Variants in SERGEF observed in about 807,000 individuals in gnomAD.
SERGEF encodes the protein secretion-regulating guanine nucleotide exchange factor.
A neutral mutation model predicts 50.0 loss-of-function variants in SERGEF; 51 were observed. The ratio of observed to expected loss-of-function variants is 1.02; its 90% CI spans 0.81 to 1.29. The LOEUF (loss-of-function observed/expected upper bound fraction) is 1.29, where lower values mean the gene tolerates loss of function less well. SERGEF is among the 50% of genes most tolerant of loss of function. SERGEF has a pLI of 0.00. For missense variants in SERGEF, 521 were observed against 557.0 expected, an observed-to-expected ratio of 0.94 and a Z score of 0.65; for synonymous variants, 205 against 212.4, an observed-to-expected ratio of 0.97 and a Z score of 0.30.
intron 9 of SERGEF, among the ~76,000 whole-genome samples, chr11:17,910,193 A>ACACACTCTCT (rs869123110): frequency 3.3e-3 from 475 of 145,730 alleles, no homozygotes; most frequent in Non-Finnish European, 4.5e-3. Context: ...ACACACACAC[A>ACACACTCTCT]CTCTCTCTCT....
At chr11:17,927,900 GAAGA>G (rs775106341) in intron 9 of SERGEF, among the ~76,000 whole-genome samples, 5 of 152,252 alleles carry the variant, frequency 3.3e-5, no homozygotes, top group African/African-American at 9.6e-5. Flanking sequence ...GAAGCTGGAA[GAAGA>G]AAGAGTCTGT....
chr11:17,964,505 C>A (rs906386378), intron 8 of SERGEF, among the ~76,000 whole-genome samples: 7 of 152,140 alleles, frequency 4.6e-5, no homozygotes, highest in African/African-American at 1.7e-4. Flanking sequence ...TCCATATTTT[C>A]TTGACAGTAT....
At chr11:17,832,613 T>C (rs554827909) in intron 10 of SERGEF, among the ~76,000 whole-genome samples, 1 of 151,998 alleles carries the variant, frequency 6.6e-6, no homozygotes, top group East Asian at 1.9e-4. Context: ...GACAGGAAAA[T>C]GTGGGGAAAG....
intron 10 of SERGEF, among the ~76,000 whole-genome samples, chr11:17,829,349 G>A (rs1241934481): frequency 6.6e-6 from 1 of 152,166 alleles, no homozygotes; most frequent in African/African-American, 2.4e-5. Context: ...TAGTACCTGA[G>A]GTTCTCCATT....
intron 9 of SERGEF, chr11:17,918,856 T>G: frequency 3.0e-6 from 1 of 336,900 alleles, no homozygotes; most frequent in Admixed American, 4.1e-5. Flanking sequence ...GGTATAAATG[T>G]GTGAAAGAGA....
chr11:17,887,487 T>C (rs1220913210), intron 9 of SERGEF, among the ~76,000 whole-genome samples: 1 of 152,120 alleles, frequency 6.6e-6, no homozygotes, highest in East Asian at 1.9e-4. Context: ...CAGGTAAATA[T>C]CCTATGGCAG....
chr11:18,012,920 C>T (rs1277245739), intron 1 of SERGEF, 31 bp downstream of exon 1: 1 of 1,523,856 alleles, frequency 6.6e-7, no homozygotes, highest in Non-Finnish European at 8.7e-7. Context: ...CCCCTCAGGG[C>T]CTGCACCGGC....
intron 9 of SERGEF, among the ~76,000 whole-genome samples, chr11:17,911,331 A>ATATATATTATATATAATATATATATTT (rs1199341746): frequency 2.1e-5 from 3 of 146,252 alleles, no homozygotes; most frequent in African/African-American, 7.5e-5. Context: ...TATATATTAT[A>ATATATATTATATATAATATATATATTT]TATATATTAT....
At chr11:17,998,552 G>GTA (rs1216619387) in intron 5 of SERGEF, among the ~76,000 whole-genome samples, 1 of 146,124 alleles carries the variant, frequency 6.8e-6, no homozygotes, top group Non-Finnish European at 1.5e-5. Context: ...GTGTGTATGT[G>GTA]TATGTGTGTA....
intron 8 of SERGEF, among the ~76,000 whole-genome samples, chr11:17,978,446 G>C (rs1456294326): frequency 1.3e-5 from 2 of 152,196 alleles, no homozygotes; most frequent in African/African-American, 2.4e-5. Flanking sequence ...GAGAACTGAG[G>C]AGGAGAACTG....
intron 10 of SERGEF, among the ~76,000 whole-genome samples, chr11:17,812,556 G>C (rs970710151): frequency 1.3e-5 from 2 of 152,164 alleles, no homozygotes; most frequent in Non-Finnish European, 2.9e-5. Flanking sequence ...TGGCACAGGG[G>C]CCAAGCAGGA....
chr11:18,004,563 A>C (rs368194100), intron 3 of SERGEF, 28 bp from the exon 4 acceptor site: 8 of 1,503,684 alleles, frequency 5.3e-6, no homozygotes, highest in Middle Eastern at 3.4e-4. Flanking sequence ...TTAAATTGCA[A>C]ATCTATGAAG....
intron 10 of SERGEF, among the ~76,000 whole-genome samples, chr11:17,841,061 C>G (rs1850492624): frequency 6.6e-6 from 1 of 152,170 alleles, no homozygotes; most frequent in Non-Finnish European, 1.5e-5. Flanking sequence ...TGAATTCTCC[C>G]TTTTCAGGAT....
chr11:18,001,831 A>G, intron 4 of SERGEF: 1 of 247,078 alleles, frequency 4.0e-6, no homozygotes, highest in East Asian at 1.1e-4. Context: ...CTTTTAAAGG[A>G]ACTCTATAGC....
intron 10 of SERGEF, among the ~76,000 whole-genome samples, chr11:17,807,792 G>A (rs982731624): frequency 6.6e-6 from 1 of 152,180 alleles, no homozygotes; most frequent in Non-Finnish European, 1.5e-5. Context: ...GGAAGCAAGG[G>A]CCTGGTAAGC....
At chr11:17,812,605 G>T (rs1452379148) in intron 10 of SERGEF, among the ~76,000 whole-genome samples, 1 of 152,112 alleles carries the variant, frequency 6.6e-6, no homozygotes, top group Admixed American at 6.5e-5. Context: ...TTCTCCTCCT[G>T]TTCAATCCTG....
intron 8 of SERGEF, among the ~76,000 whole-genome samples, chr11:17,987,724 G>A (rs1853630100): frequency 6.6e-6 from 1 of 152,224 alleles, no homozygotes; most frequent in Non-Finnish European, 1.5e-5. Flanking sequence ...GATAGCTGAA[G>A]CTGACCTGAA....
At chr11:17,860,997 C>T (rs1180259060) in intron 10 of SERGEF, among the ~76,000 whole-genome samples, 1 of 152,098 alleles carries the variant, frequency 6.6e-6, no homozygotes, top group Non-Finnish European at 1.5e-5. Context: ...ACCCTAACAC[C>T]CACAATAATC....
chr11:17,817,348 G>C (rs927577066), intron 10 of SERGEF, among the ~76,000 whole-genome samples: 5 of 151,728 alleles, frequency 3.3e-5, no homozygotes, highest in African/African-American at 9.7e-5. Context: ...CCAAATAGCT[G>C]AGATTACAGG....
Sources: gnomAD v4.1 joint callset for allele counts (sites outside exome capture counted in the v4.1 genomes callset) on GRCh38, gnomAD v4.1.1 for gene constraint, MANE v1.5 for transcripts, NCBI Gene and HGNC (gene_info 2026-07-23, HGNC 2026-07-21) for gene names.